Variants in NUP43 observed in about 807,000 individuals in gnomAD.
NUP43 encodes nucleoporin Nup43.
In NUP43, 32 loss-of-function variants were observed where a neutral mutation model predicts 47.3. The observed-to-expected ratio is 0.68, with a 90% CI of 0.51 to 0.91. The LOEUF is 0.91. Ranked by LOEUF, NUP43 falls within the 40% of genes least tolerant of loss-of-function variation. The probability of loss-of-function intolerance (pLI) is 0.00; values close to 1 mark genes in which losing one functional copy is unlikely to be tolerated. For missense variants in NUP43, 444 were observed against 453.9 expected (o/e 0.98, Z 0.20); for synonymous variants, 147 against 158.4 (o/e 0.93, Z 0.54).
chr6:149,736,507 T>G lies in NUP43; in HGVS notation c.754A>C (p.Met252Leu). Residue 252 changes from methionine (M) to leucine (L), a missense_variant, in exon 6 of 8, where the codon ATG becomes CTG. By Grantham distance (15) the Met-to-Leu change is conservative. Transcript: ENST00000340413. The part of the protein sequence containing the change: ...LSIWDVRQGT[M>L]PVSLLKAHEA... ...TGAGCCTTCAGCAGAGATACAGGCA[T>G]AGTACCTTGTCTAACATCCCAAATA... 6 of 1,610,296 alleles carry G rather than the reference T, an allele frequency of 3.7e-6. No homozygotes were observed. The highest frequency in any genetic ancestry group is 5.1e-6 in the Non-Finnish European group (6 of 1,176,872).
At chr6:149,744,830 C>A (rs928933756) in intron 2 of NUP43, among the ~76,000 whole-genome samples, 1 of 150,028 alleles carries the variant, frequency 6.7e-6, no homozygotes, top group South Asian at 2.1e-4. Context: ...TATAAGACTT[C>A]GTCTCCAAAA....
chr6:149,742,641 A>G, intron 3 of NUP43, 71 bp from the exon 4 acceptor site: 1 of 1,171,048 alleles, frequency 8.5e-7, no homozygotes, highest in South Asian at 1.4e-5. Flanking sequence ...CAACAAGAGT[A>G]TCTTTAAATT....
intron 6 of NUP43, among the ~76,000 whole-genome samples, chr6:149,736,120 A>C (rs1785335355): frequency 6.6e-6 from 1 of 151,960 alleles, no homozygotes; most frequent in Non-Finnish European, 1.5e-5. Flanking sequence ...TCTACTAAAA[A>C]TATAAAATTA....
intron 5 of NUP43, among the ~76,000 whole-genome samples, 174 bp from the exon 6 acceptor site, chr6:149,736,796 C>T (rs1487575866): frequency 6.6e-6 from 1 of 152,178 alleles, no homozygotes; most frequent in Non-Finnish European, 1.5e-5. Flanking sequence ...CTCAGGTATC[C>T]TCCCACCTCA....
chr6:149,729,420 G>T, intron 7 of NUP43: 1 of 497,984 alleles, frequency 2.0e-6, no homozygotes, highest in Non-Finnish European at 2.6e-6. Context: ...AATGGTGGGT[G>T]ACTGGAAGGC....
intron 7 of NUP43, chr6:149,727,720 T>C: frequency 1.0e-6 from 1 of 976,052 alleles, no homozygotes; most frequent in Non-Finnish European, 1.2e-6. Flanking sequence ...CTTTCATTCT[T>C]ATGCTTTTTA....
At chr6:149,746,326 C>G (rs1785998695) in intron 1 of NUP43, 50 bp downstream of exon 1, 1 of 1,602,426 alleles carries the variant, frequency 6.2e-7, no homozygotes, top group Non-Finnish European at 8.5e-7. Flanking sequence ...GGGGTCAGCT[C>G]AACCGGAGAG....
Position 149,742,387 on chromosome 6 carries a change from T to A in NUP43, c.502+3A>T. ...ATGTTGGCCAGGCTGGGATTTTTCT[T>A]ACCTATGGTTCTTACAGCTTCCTTG... On this transcript the variant is annotated splice_donor_region_variant and intron_variant, in intron 4 of 7. Coordinates refer to ENST00000340413, the MANE Select transcript of NUP43 (RefSeq NM_198887.3). The A allele has an allele frequency of 1.9e-6, 3 of 1,613,586 alleles. No individual in the cohort carries two copies. The highest frequency in any genetic ancestry group is 2.5e-6 in the Non-Finnish European group (3 of 1,179,572).
At chr6:149,746,537 G>T, upstream of NUP43, 1 of 1,614,046 alleles carries the variant, frequency 6.2e-7, no homozygotes, top group Non-Finnish European at 8.5e-7. Context: ...AGCAAGCACA[G>T]TACGCGCCTC....
At chr6:149,743,047 G>A (rs1263193995) in intron 3 of NUP43, among the ~76,000 whole-genome samples, 9 of 151,920 alleles carry the variant, frequency 5.9e-5, no homozygotes, top group South Asian at 2.1e-4. Flanking sequence ...GTGGTGGCAC[G>A]CGCCTGTAAT....
intron 7 of NUP43, chr6:149,727,710 C>A (rs1193909944): frequency 4.1e-6 from 4 of 965,552 alleles, no homozygotes; most frequent in East Asian, 2.3e-4. Flanking sequence ...TACCTCAAAT[C>A]TTTCATTCTT....
In NUP43 at chr6:149,746,424, T is replaced by C. The variant is rs772056776; in HGVS notation, c.72A>G (p.Gly24=). Residue 24 remains glycine (G), a synonymous_variant, in exon 1 of 8, where the codon GGA becomes GGG. Transcript: ENST00000340413. The part of the protein sequence containing the change: ...SKTRWRPLPP[G]SLQTAETFAT... Reference sequence around the variant, plus strand: ...CGAACGTCTCCGCGGTCTGTAAACTTCCCGGAGGCAGCGGTCGCCAGCGGG... The same window carrying C: ...CGAACGTCTCCGCGGTCTGTAAACTCCCCGGAGGCAGCGGTCGCCAGCGGG... 1.1e-5 allele frequency: 17 copies of C among 1,614,002 alleles called. No individual in the cohort carries two copies. In the South Asian group the frequency reaches 1.6e-4, roughly 16 times the overall value.
At position 149,744,055 on chromosome 6, in the gene NUP43, C is replaced by A. The variant is rs74815303; in HGVS notation, c.244-340G>T. On this transcript the variant is annotated intron_variant, in intron 2 of 7. Transcript: ENST00000340413. Reference sequence around the variant, plus strand: ...TTGGGAGGCCTAGGTGGACGGATCACTTGAGCTCAGGAGTTCAAGACCAGC... The same window carrying A: ...TTGGGAGGCCTAGGTGGACGGATCAATTGAGCTCAGGAGTTCAAGACCAGC... Among the ~76,000 whole-genome samples, 527 of 152,210 alleles carry A rather than the reference C, an allele frequency of 3.5e-3. 3 individuals carry two copies. The highest frequency in any genetic ancestry group is 0.012 in the African/African-American group (500 of 41,540).
At chr6:149,747,766 A>C (rs1378511261), upstream of NUP43, among the ~76,000 whole-genome samples, 2 of 152,208 alleles carry the variant, frequency 1.3e-5, no homozygotes, top group Admixed American at 1.3e-4. Context: ...TTTCTTTAAA[A>C]AGGGCCATTA....
Position 149,745,941 on chromosome 6 carries a change from T to C in NUP43, c.242A>G (p.Gln81Arg), listed in dbSNP as rs747780473. ...IRHHGDVMDL[Q>R]FFDQERIVAA... is the part of the protein sequence containing the mutation. ...CTTTTGGATGCTACACAGATTTACC[T>C]GTAAATCCATTACATCACCATGGTG... The change falls in exon 2 of 8, where the codon CAG becomes CGG. Residue 81 changes from glutamine to arginine, a missense_variant and splice_region_variant. Physicochemically the swap from Gln to Arg is conservative, Grantham distance 43. Transcript: ENST00000340413. 5.6e-6 allele frequency: 9 copies of C among 1,609,008 alleles called. No homozygotes were observed. The highest frequency in any genetic ancestry group is 1.7e-5 in the Admixed American group (1 of 58,868).
At chr6:149,735,989 A>C (rs1012690415) in intron 6 of NUP43, among the ~76,000 whole-genome samples, 20 of 150,904 alleles carry the variant, frequency 1.3e-4, no homozygotes, top group South Asian at 4.2e-4. Context: ...AAAAAAAAAA[A>C]AAAAAAAACC....
Position 149,725,862 on chromosome 6 carries a change from A to T in NUP43, c.*1107T>A, listed in dbSNP as rs1294423729. The T allele has an allele frequency of 6.6e-6, 1 of 152,194 alleles. No individual in the cohort carries two copies. The highest frequency in any genetic ancestry group is 1.5e-5 in the Non-Finnish European group (1 of 68,030). 9.4% of individuals were successfully genotyped at this position (152,194 alleles called of 1,614,324 possible). ...CACTATAGGTGGCTAAAACAAAGTA[A>T]AAGGATCAAAATGGCAAAATTCTTT... On this transcript the variant is annotated 3_prime_UTR_variant, in exon 8 of 8. Transcript: ENST00000340413.
chr6:149,747,252 G>A (rs1786059804), upstream of NUP43, among the ~76,000 whole-genome samples: 1 of 151,240 alleles, frequency 6.6e-6, no homozygotes, highest in Admixed American at 6.6e-5. Context: ...ATTTCCTGAC[G>A]ACCCCAGCCA....
At chr6:149,728,291 C>T in intron 7 of NUP43, 1 of 984,172 alleles carries the variant, frequency 1.0e-6, no homozygotes, top group Non-Finnish European at 1.2e-6. Context: ...AGTTTTATTT[C>T]CAGTCTAACC....
Sources: gnomAD v4.1 joint callset for allele counts (sites outside exome capture counted in the v4.1 genomes callset) on GRCh38, gnomAD v4.1.1 for gene constraint, MANE v1.5 for transcripts, NCBI Gene and HGNC (gene_info 2026-07-23, HGNC 2026-07-21) for gene names.